The following TRHDE variants were observed in gnomAD, a reference collection of about 807,000 sequenced individuals.
The protein encoded by TRHDE is thyrotropin releasing hormone degrading enzyme, also known as thyrotropin-releasing hormone-degrading ectoenzyme.
A neutral mutation model predicts 125.7 loss-of-function variants in TRHDE; 72 were observed. The observed-to-expected ratio is 0.57, with a 90% CI of 0.47 to 0.70. TRHDE has a LOEUF of 0.70. Ranked by LOEUF, TRHDE falls within the 30% of genes least tolerant of loss-of-function variation. The pLI is 0.00. For missense variants in TRHDE, 1,110 were observed against 1,327.1 expected, an observed-to-expected ratio of 0.84 and a Z score of 2.54; for synonymous variants, 509 against 509.1, an observed-to-expected ratio of 1.00 and a Z score of 0.00.
intron 1 of TRHDE, 54 bp from the exon 2 acceptor site, chr12:72,286,627 A>G (rs1879898849): frequency 6.6e-6 from 10 of 1,525,820 alleles, no homozygotes; most frequent in Admixed American, 3.6e-5. Context: ...TAATGTGGCC[A>G]TAACTTAACT....
chr12:72,595,394 T>C (rs912695859), intron 12 of TRHDE, among the ~76,000 whole-genome samples: 6 of 152,080 alleles, frequency 3.9e-5, no homozygotes, highest in African/African-American at 9.7e-5. Flanking sequence ...AGGGGAATGA[T>C]TGTAAATACG....
chr12:72,187,310 AACACACACACACACACACACACACACAC>A (rs59164233), intron 2 of TRHDE, among the ~76,000 whole-genome samples: 1 of 131,260 alleles, frequency 7.6e-6, no homozygotes, highest in Non-Finnish European at 1.6e-5. Context: ...AGAGAAACAC[AACACACACACACACACACACACACACAC>A]ACACACACAC....
chr12:72,417,433 TACAGTCTGGGACAAGCC>T (rs1244779136), intron 3 of TRHDE, among the ~76,000 whole-genome samples: 1 of 152,046 alleles, frequency 6.6e-6, no homozygotes, highest in Non-Finnish European at 1.5e-5. Flanking sequence ...AAATGCCCTG[TACAGTCTGGGACAAGCC>T]ACAGCATTAC....
rs1211737369 is a variant in TRHDE at position 72,238,305 on chromosome 12, TATATATATATATATATAC to T, written n.279+132565_279+132582del. Among the ~76,000 whole-genome samples the T allele has an allele frequency of 3.2e-3, 109 of 34,202 alleles. 8 individuals are homozygous for T. Among genetic ancestry groups the T allele is most frequent in the South Asian group, 0.014 (15 of 1,064 alleles). 22.4% of individuals were successfully genotyped at this position (34,202 alleles called of 152,430 possible). ...ATATATATATATATATATATATATA[TATATATATATATATATAC>T]ATATATATATACACATTATATATAT... On this transcript the variant is annotated intron_variant and non_coding_transcript_variant, in intron 2 of 4. Coordinates refer to the TRHDE transcript ENST00000548156.
intron 5 of TRHDE, among the ~76,000 whole-genome samples, chr12:72,495,074 T>TG (rs1367644337): frequency 7.1e-6 from 1 of 141,192 alleles, no homozygotes; most frequent in Admixed American, 7.3e-5. Flanking sequence ...TTTTTTTTTT[T>TG]TTTTTTTTTT....
At chr12:72,162,846 T>G (rs991092601) in intron 2 of TRHDE, 1 of 151,910 alleles carries the variant, frequency 6.6e-6, no homozygotes, top group Non-Finnish European at 1.5e-5. Flanking sequence ...GAAGAGAGAA[T>G]GACTATTGTG....
At chr12:72,589,854 CTTG>C (rs1362413348) in intron 12 of TRHDE, among the ~76,000 whole-genome samples, 2 of 151,796 alleles carry the variant, frequency 1.3e-5, no homozygotes, top group African/African-American at 2.4e-5. Context: ...GGTTTCTGGT[CTTG>C]TTAATTTTTA....
At chr12:72,575,159 A>T in intron 10 of TRHDE, 96 bp from the exon 11 acceptor site, 1 of 1,143,236 alleles carries the variant, frequency 8.7e-7, no homozygotes, top group Non-Finnish European at 1.2e-6. Context: ...ACATTCACTT[A>T]ATTATTGGTA....
In TRHDE at chr12:72,118,706, T is replaced by C. The variant is rs548840003; in HGVS notation, n.279+12954T>C. ...AGCTTTCCTTTGCTGGGAGACTTTT[T>C]ATTATGGCTTTGCTCTTGTTACTCG... is the stretch of plus-strand genomic sequence containing the variant. On this transcript the variant is annotated intron_variant and non_coding_transcript_variant, in intron 2 of 4. Coordinates refer to the TRHDE transcript ENST00000548156. Among the ~76,000 whole-genome samples the C allele has an allele frequency of 1.4e-3, 211 of 152,284 alleles. 1 individual carries two copies. The highest frequency in any genetic ancestry group is 4.6e-3 in the African/African-American group (193 of 41,566).
intron 2 of TRHDE, among the ~76,000 whole-genome samples, chr12:72,195,093 C>G (rs573318532): frequency 6.6e-6 from 1 of 151,994 alleles, no homozygotes; most frequent in Non-Finnish European, 1.5e-5. Flanking sequence ...GCCAAGCAAA[C>G]GGGGAAAAGC....
At chr12:72,643,678 A>T (rs1874161648) in intron 15 of TRHDE, among the ~76,000 whole-genome samples, 1 of 152,146 alleles carries the variant, frequency 6.6e-6, no homozygotes, top group South Asian at 2.1e-4. Context: ...CTTGCTCTGC[A>T]TATGACCAGC....
chr12:72,132,433 C>G (rs1463424357), intron 2 of TRHDE, among the ~76,000 whole-genome samples: 1 of 152,162 alleles, frequency 6.6e-6, no homozygotes, highest in Non-Finnish European at 1.5e-5. Flanking sequence ...AAAGTCAAGT[C>G]AGGGACATTT....
intron 1 of TRHDE, among the ~76,000 whole-genome samples, chr12:72,089,244 T>C (rs1034432882): frequency 6.6e-6 from 1 of 152,184 alleles, no homozygotes; most frequent in Non-Finnish European, 1.5e-5. Flanking sequence ...ACCTACATTG[T>C]TTCCAGCATT....
At chr12:72,091,623 C>T (rs990504319) in intron 1 of TRHDE, among the ~76,000 whole-genome samples, 1 of 152,056 alleles carries the variant, frequency 6.6e-6, no homozygotes, top group Admixed American at 6.5e-5. Context: ...TGTTGGAGGC[C>T]GAAAGACTGA....
chr12:72,254,316 C>CT (rs1878756782), intron 2 of TRHDE: 1 of 152,084 alleles, frequency 6.6e-6, no homozygotes, highest in Non-Finnish European at 1.5e-5. Context: ...TGCCAATATC[C>CT]TTTATCTCCC....
At chr12:72,354,353 AG>A (rs1230707699) in intron 2 of TRHDE, among the ~76,000 whole-genome samples, 1 of 151,570 alleles carries the variant, frequency 6.6e-6, no homozygotes, top group African/African-American at 2.4e-5. Context: ...AGGGAATAAA[AG>A]GGAAAACAGT....
At chr12:72,528,933 C>T (rs374578998) in intron 6 of TRHDE, among the ~76,000 whole-genome samples, 95 of 151,948 alleles carry the variant, frequency 6.3e-4, no homozygotes, top group African/African-American at 1.7e-3. Flanking sequence ...TATACTTTAA[C>T]GATGATTATA....
intron 2 of TRHDE, among the ~76,000 whole-genome samples, chr12:72,354,548 A>T (rs952112551): frequency 1.3e-5 from 2 of 151,306 alleles, no homozygotes; most frequent in African/African-American, 4.8e-5. Context: ...AAATGAATAT[A>T]TAAATTAAGG....
intron 2 of TRHDE, among the ~76,000 whole-genome samples, chr12:72,290,505 T>C (rs1880045547): frequency 6.6e-6 from 1 of 152,242 alleles, no homozygotes; most frequent in African/African-American, 2.4e-5. Flanking sequence ...ACAGCCATTT[T>C]ATTATGTTCA....
Sources: allele counts gnomAD v4.1 joint callset (sites outside exome capture counted in the v4.1 genomes callset), GRCh38; gene constraint gnomAD v4.1.1; transcripts MANE v1.5; gene names NCBI Gene and HGNC (gene_info 2026-07-23, HGNC 2026-07-21).